CAMKK1: variants seen among roughly 807,000 people sequenced by gnomAD.
The protein encoded by CAMKK1 is calcium/calmodulin-dependent protein kinase kinase 1.
Under a neutral mutation model 63.5 loss-of-function variants are expected in CAMKK1, and 20 were observed. The ratio of observed to expected loss-of-function variants is 0.32; its 90% CI spans 0.22 to 0.46. CAMKK1 has a LOEUF of 0.46. Ranked by LOEUF, CAMKK1 falls within the 20% of genes least tolerant of loss-of-function variation. The probability of loss-of-function intolerance (pLI) is 1.00; values close to 1 mark genes in which losing one functional copy is unlikely to be tolerated. For synonymous variants in CAMKK1, 253 were observed against 269.0 expected (o/e 0.94, Z 0.58); for missense variants, 588 against 658.1 (o/e 0.89, Z 1.17).
At chr17:3,863,422 T>C (rs910331099) in intron 15 of CAMKK1, among the ~76,000 whole-genome samples, 1 of 152,202 alleles carries the variant, frequency 6.6e-6, no homozygotes, top group African/African-American at 2.4e-5. Flanking sequence ...TGCTTGAATG[T>C]GAGAGGCGGA....
intron 1 of CAMKK1, among the ~76,000 whole-genome samples, chr17:3,886,884 C>T (rs2055677577): frequency 6.6e-6 from 1 of 152,282 alleles, no homozygotes; most frequent in African/African-American, 2.4e-5. Context: ...GCCCTTCCCC[C>T]TGCTTGCGCT....
At chr17:3,876,466 G>A (rs534613302) in intron 9 of CAMKK1, 44 bp from the exon 10 acceptor site, 44 of 1,538,574 alleles carry the variant, frequency 2.9e-5, no homozygotes, top group African/African-American at 5.4e-5. Flanking sequence ...CCTGGGCACC[G>A]CTGGCCAGGA....
At chr17:3,870,809 G>A (rs2054814779) in intron 12 of CAMKK1, among the ~76,000 whole-genome samples, 1 of 152,132 alleles carries the variant, frequency 6.6e-6, no homozygotes, top group Non-Finnish European at 1.5e-5. Flanking sequence ...CTGGGCTGAG[G>A]GGAAAGACAC....
At chr17:3,866,126 A>C in intron 14 of CAMKK1, 115 bp from the exon 15 acceptor site, 11 of 1,225,392 alleles carry the variant, frequency 9.0e-6, no homozygotes, top group Non-Finnish European at 1.3e-5. Context: ...GTCCCATCTC[A>C]ATCAGCACAG....
rs545260437 is a variant in CAMKK1 at position 3,871,573 on chromosome 17, G to A, written c.1124+981C>T. ...GGGTTTCACCGTGTTAGCCAGGATGGTCTCGATCTCCTGACCTCGTGATCC... is the reference window on the plus strand; with the variant it reads ...GGGTTTCACCGTGTTAGCCAGGATGATCTCGATCTCCTGACCTCGTGATCC... On this transcript the variant is annotated intron_variant, in intron 12 of 15. Transcript: ENST00000348335. Among the ~76,000 whole-genome samples, 18 of 149,430 alleles carry A rather than the reference G, an allele frequency of 1.2e-4. No homozygotes were observed. The East Asian group carries it at 1.8e-3, about 15-fold the overall frequency.
intron 1 of CAMKK1, among the ~76,000 whole-genome samples, chr17:3,891,773 G>A (rs1167938306): frequency 6.6e-6 from 1 of 152,172 alleles, no homozygotes; most frequent in Non-Finnish European, 1.5e-5. Flanking sequence ...TTTGCACTGT[G>A]CATATAGGAG....
chr17:3,882,541 G>A lies in CAMKK1; in HGVS notation c.672C>T (p.Asp224=), dbSNP rs754268376. The change falls in exon 7 of 16, where the codon GAC becomes GAT. Residue 224 remains aspartate, a synonymous_variant. Transcript: ENST00000348335. The surrounding 1 kb of genome is among the most constrained non-coding windows in gnomAD (Gnocchi z 4.3). The part of the protein sequence containing the change: ...LIEVLDDPAE[D]NLYLVFDLLR... ...CAGGTCACTCACCCAAATAGAGGTT[G>A]TCCTCAGCTGGGTCATCCAGGACCT... 6.3e-7 allele frequency: 1 copy of A among 1,594,998 alleles called. No individual in the cohort carries two copies. The highest frequency in any genetic ancestry group is 8.5e-7 in the Non-Finnish European group (1 of 1,170,240).
rs1018847800 is a variant in CAMKK1, at chr17:3,882,090, C to T, written c.685+438G>A. On this transcript the variant is annotated intron_variant, in intron 7 of 15. Transcript: ENST00000348335. This position sits in a 1 kb window ranked among gnomAD's most constrained non-coding sequence, Gnocchi z 4.3. ...ACAAGGAACTAAAATAATAACATTA[C>T]TATTAACAAGGATAATAACGAATGT... The T allele has an allele frequency of 3.5e-6, 2 of 576,818 alleles. No individual in the cohort carries two copies. Among genetic ancestry groups the T allele is most frequent in the Non-Finnish European group, 3.1e-6 (1 of 327,616 alleles). 35.7% of individuals were successfully genotyped at this position (576,818 alleles called of 1,614,324 possible). A position where few individuals can be genotyped will look rare whatever the true frequency, so the allele number is the denominator to read the frequency against.
At chr17:3,871,547 G>T (rs546622927) in intron 12 of CAMKK1, among the ~76,000 whole-genome samples, 2 of 149,752 alleles carry the variant, frequency 1.3e-5, no homozygotes, top group Non-Finnish European at 3.0e-5. Context: ...TAGTAGAGAT[G>T]GGGTTTCACC....
chr17:3,881,187 C>T lies in CAMKK1; in HGVS notation c.707+440G>A, dbSNP rs938939083. On this transcript the variant is annotated intron_variant, in intron 8 of 15. Coordinates refer to ENST00000348335, the MANE Select transcript of CAMKK1 (RefSeq NM_032294.3). ...TTGCTGTGTGACCTTGAGCAAGCCACGTACCTTCTCTGGTCCTTAGCTTTC... is the reference window on the plus strand; with the variant it reads ...TTGCTGTGTGACCTTGAGCAAGCCATGTACCTTCTCTGGTCCTTAGCTTTC... 6.6e-5 allele frequency among the ~76,000 whole-genome samples: 10 copies of T among 152,320 alleles called. 1 individual carries two copies. The East Asian group carries it at 1.3e-3, about 21-fold the overall frequency.
chr17:3,891,264 T>C (rs2055892332), intron 1 of CAMKK1, among the ~76,000 whole-genome samples: 1 of 152,104 alleles, frequency 6.6e-6, no homozygotes, highest in South Asian at 2.1e-4. Flanking sequence ...TCTGCTCTCA[T>C]ACAGTTTAAT....
intron 2 of CAMKK1, 129 bp downstream of exon 2, chr17:3,885,199 G>C: frequency 9.0e-7 from 1 of 1,105,858 alleles, no homozygotes. Context: ...GTTAGGTAGT[G>C]ATCTCCCCAG....
At chr17:3,869,360 C>G in intron 14 of CAMKK1, 127 bp downstream of exon 14, 1 of 1,304,388 alleles carries the variant, frequency 7.7e-7, no homozygotes, top group Non-Finnish European at 1.0e-6. Flanking sequence ...AATGGCGGCT[C>G]CAGTGGCCCA....
chr17:3,862,989 G>C lies in CAMKK1; in HGVS notation c.1446-706C>G, dbSNP rs113650454. On this transcript the variant is annotated intron_variant, in intron 15 of 15. Transcript: ENST00000348335. The surrounding 1 kb of genome is among the most constrained non-coding windows in gnomAD (Gnocchi z 4.1). ...ATCCCCCAGCAGATCTGGGTAGAGA[G>C]GCTTTCATTTTGCATTTTTCTTTGC... Among the ~76,000 whole-genome samples, 1 of 152,178 alleles carries C rather than the reference G, an allele frequency of 6.6e-6. No homozygotes were observed. The highest frequency in any genetic ancestry group is 2.4e-5 in the African/African-American group (1 of 41,452).
In CAMKK1 at chr17:3,883,916, G is replaced by C. The variant is rs1390099963; in HGVS notation, c.430C>G (p.Leu144Val). Residue 144 changes from leucine to valine, a missense_variant, in exon 4 of 16, where the codon CTG becomes GTG. Leu to Val is a conservative substitution (Grantham distance 32). Coordinates refer to ENST00000348335, the MANE Select transcript of CAMKK1 (RefSeq NM_032294.3). This position sits in a 1 kb window ranked among gnomAD's most constrained non-coding sequence, Gnocchi z 4.7. Reference sequence around the variant, plus strand: ...CTGTCTTCACTTTCGTTGTAGGCCAGCCTCACCACACCGTAGGCACCCTGC... The same window carrying C: ...CTGTCTTCACTTTCGTTGTAGGCCACCCTCACCACACCGTAGGCACCCTGC... ...IGKGAYGVVRLAYNESEDRHY... is the reference protein window; with the variant it reads ...IGKGAYGVVRVAYNESEDRHY... The C allele has an allele frequency of 1.2e-6, 2 of 1,613,810 alleles. No homozygotes were observed. Among genetic ancestry groups the C allele is most frequent in the Admixed American group, 1.7e-5 (1 of 59,994 alleles).
At chr17:3,870,969 G>A (rs2054821931) in intron 12 of CAMKK1, among the ~76,000 whole-genome samples, 1 of 152,186 alleles carries the variant, frequency 6.6e-6, no homozygotes, top group Non-Finnish European at 1.5e-5. Flanking sequence ...AGACGAGCGG[G>A]TGGCAGAACC....
rs1290417231 is a variant in CAMKK1 at position 3,892,175 on chromosome 17, A to G, written c.-44+764T>C. 6.6e-6 allele frequency among the ~76,000 whole-genome samples: 1 copy of G among 151,896 alleles called. No homozygotes were observed. The highest frequency in any genetic ancestry group is 1.5e-5 in the Non-Finnish European group (1 of 67,938). ...TGGCCTGTGACACAGCCTTCTCTGC[A>G]CAGCCCTGCAACGCCAAGACTTGAG... is the stretch of plus-strand genomic sequence containing the variant. On this transcript the variant is annotated intron_variant, in intron 1 of 15. Transcript: ENST00000348335. This position sits in a 1 kb window ranked among gnomAD's most constrained non-coding sequence, Gnocchi z 7.5.
chr17:3,885,768 G>A (rs1173287120), intron 1 of CAMKK1, 38 bp from the exon 2 acceptor site: 3 of 1,569,308 alleles, frequency 1.9e-6, no homozygotes, highest in Admixed American at 1.7e-5. Flanking sequence ...ACTCCTGGGT[G>A]TCAGGCTGGC....
At chr17:3,880,274 G>T in intron 9 of CAMKK1, 72 bp downstream of exon 9, 1 of 1,307,926 alleles carries the variant, frequency 7.6e-7, no homozygotes, top group Non-Finnish European at 1.1e-6. Flanking sequence ...CTCAGAGTCT[G>T]CTCAGCCTGG....
Sources: allele counts gnomAD v4.1 joint callset (sites outside exome capture counted in the v4.1 genomes callset), GRCh38; gene constraint gnomAD v4.1.1; non-coding constraint Gnocchi (gnomAD v3.1); transcripts MANE v1.5; gene names NCBI Gene and HGNC (gene_info 2026-07-23, HGNC 2026-07-21).